The following DLC1 variants were observed in gnomAD, a reference collection of about 807,000 sequenced individuals.
The protein encoded by DLC1 is DLC1 Rho GTPase activating protein.
A neutral mutation model predicts 140.3 loss-of-function variants in DLC1; 54 were observed. That is an observed-to-expected ratio of 0.38 (90% confidence interval 0.31 to 0.48). DLC1 has a LOEUF of 0.48. Among genes scored for constraint, DLC1 ranks in the 20% least tolerant of loss-of-function variants. DLC1 has a pLI of 0.96. For missense variants in DLC1, 2,536 were observed against 1,907.0 expected, an observed-to-expected ratio of 1.33 and a Z score of -6.14; for synonymous variants, 986 against 728.1, an observed-to-expected ratio of 1.35 and a Z score of -5.70.
At chr8:13,447,580 A>C (rs1481156096) in intron 2 of DLC1, among the ~76,000 whole-genome samples, 3 of 152,208 alleles carry the variant, frequency 2.0e-5, no homozygotes, top group Non-Finnish European at 4.4e-5. Context: ...AAAAGAAAAA[A>C]ACGTTCATTA....
chr8:13,344,690 A>T (rs964245782), intron 4 of DLC1, among the ~76,000 whole-genome samples: 2 of 152,216 alleles, frequency 1.3e-5, no homozygotes, highest in African/African-American at 4.8e-5. Flanking sequence ...GGTCTCTATC[A>T]CTATTATGAT....
intron 2 of DLC1, among the ~76,000 whole-genome samples, chr8:13,408,601 G>T (rs1330087204): frequency 2.6e-5 from 4 of 152,092 alleles, no homozygotes; most frequent in Non-Finnish European, 5.9e-5. Context: ...CCCATTTTGG[G>T]GACTGGGATA....
chr8:13,522,339 A>G (rs960384818), intron 1 of DLC1, among the ~76,000 whole-genome samples: 1 of 152,082 alleles, frequency 6.6e-6, no homozygotes, highest in Non-Finnish European at 1.5e-5. Context: ...AAGAATAAAC[A>G]TAAGTCTGGG....
intron 1 of DLC1, among the ~76,000 whole-genome samples, chr8:13,507,200 G>A (rs1334015753): frequency 6.6e-6 from 1 of 152,100 alleles, no homozygotes; most frequent in African/African-American, 2.4e-5. Context: ...GTGTACATTT[G>A]GGCGCCTTCC....
intron 1 of DLC1, among the ~76,000 whole-genome samples, chr8:13,524,115 T>G: frequency 4.5e-5 from 1 of 22,314 alleles, no homozygotes; most frequent in East Asian, 3.6e-3. Context: ...CTATTTATTA[T>G]TATTATTATT....
intron 3 of DLC1, among the ~76,000 whole-genome samples, chr8:13,398,239 C>G (rs560645669): frequency 2.3e-4 from 35 of 152,056 alleles, no homozygotes; most frequent in African/African-American, 8.2e-4. Flanking sequence ...AAGGGATGAG[C>G]TAGAGCAATT....
chr8:13,419,081 C>G (rs546619290), intron 2 of DLC1, among the ~76,000 whole-genome samples: 49 of 152,212 alleles, frequency 3.2e-4, no homozygotes, highest in African/African-American at 1.2e-3. Flanking sequence ...TGAGACTTTG[C>G]TGAAGTTGCT....
At chr8:13,297,069 G>T (rs1245740329) in intron 5 of DLC1, among the ~76,000 whole-genome samples, 1 of 151,408 alleles carries the variant, frequency 6.6e-6, no homozygotes, top group Non-Finnish European at 1.5e-5. Context: ...GTGAGTTCAA[G>T]ATCTTTGGCA....
At chr8:13,425,906 G>A (rs1041464116) in intron 2 of DLC1, among the ~76,000 whole-genome samples, 3 of 152,128 alleles carry the variant, frequency 2.0e-5, no homozygotes, top group African/African-American at 7.2e-5. Context: ...TTTAGAACAA[G>A]TTAAAGAAAG....
At chr8:13,215,259 T>C (rs1346804776) in intron 5 of DLC1, among the ~76,000 whole-genome samples, 2 of 152,186 alleles carry the variant, frequency 1.3e-5, no homozygotes, top group Admixed American at 1.3e-4. Flanking sequence ...GTTATCTGCC[T>C]AGGTACCAGG....
chr8:13,397,965 T>C (rs776619647), intron 3 of DLC1, among the ~76,000 whole-genome samples: 6 of 151,956 alleles, frequency 3.9e-5, no homozygotes, highest in Non-Finnish European at 7.4e-5. Flanking sequence ...ACCCTGTCTC[T>C]ACTGAAAATT....
intron 2 of DLC1, among the ~76,000 whole-genome samples, chr8:13,432,721 G>A (rs1838939159): frequency 2.0e-5 from 3 of 152,180 alleles, no homozygotes; most frequent in South Asian, 2.1e-4. Flanking sequence ...ACTAGGAGAT[G>A]ACTAGTGACA....
intron 4 of DLC1, among the ~76,000 whole-genome samples, chr8:13,306,544 GTGTGTGTGTGTGTT>G (rs1346066175): frequency 7.0e-6 from 1 of 142,934 alleles, no homozygotes; most frequent in Non-Finnish European, 1.6e-5. Flanking sequence ...ATGGGTATTT[GTGTGTGTGTGTGTT>G]TGTGTGTGTG....
chr8:13,373,921 C>G (rs1376217076), intron 4 of DLC1, among the ~76,000 whole-genome samples: 1 of 152,076 alleles, frequency 6.6e-6, no homozygotes, highest in African/African-American at 2.4e-5. Context: ...ATGTTAAAAT[C>G]CGGTATTATT....
intron 5 of DLC1, among the ~76,000 whole-genome samples, chr8:13,232,831 A>G (rs776924280): frequency 2.0e-5 from 3 of 152,240 alleles, no homozygotes; most frequent in Non-Finnish European, 2.9e-5. Flanking sequence ...GTTCTTAGAA[A>G]TAGTTATTTT....
At chr8:13,362,299 A>G (rs144785958) in intron 4 of DLC1, among the ~76,000 whole-genome samples, 8 of 152,316 alleles carry the variant, frequency 5.3e-5, no homozygotes, top group African/African-American at 1.7e-4. Flanking sequence ...GAAAGAGCCC[A>G]GTGTTTTGGG....
chr8:13,276,200 A>T (rs1831155926), intron 5 of DLC1: 3 of 1,524,486 alleles, frequency 2.0e-6, no homozygotes, highest in Non-Finnish European at 1.8e-6. Flanking sequence ...GCGTCTTCGC[A>T]GTAAATTGTT....
At chr8:13,546,696 C>T (rs1803659191) in intron 1 of DLC1, among the ~76,000 whole-genome samples, 1 of 152,088 alleles carries the variant, frequency 6.6e-6, no homozygotes, top group Non-Finnish European at 1.5e-5. Context: ...TGGTGAAAAC[C>T]AGCGTTAGAG....
chr8:13,325,792 T>C (rs989830845), intron 4 of DLC1, among the ~76,000 whole-genome samples: 2 of 152,224 alleles, frequency 1.3e-5, no homozygotes, highest in East Asian at 3.9e-4. Flanking sequence ...GGTTAAAACA[T>C]GTAGCGCTTT....
Sources: allele counts gnomAD v4.1 joint callset (sites outside exome capture counted in the v4.1 genomes callset), GRCh38; gene constraint gnomAD v4.1.1; transcripts MANE v1.5; gene names NCBI Gene and HGNC (gene_info 2026-07-23, HGNC 2026-07-21).